Variants in SLC39A11 observed in about 807,000 individuals in gnomAD.
SLC39A11 encodes solute carrier family 39 member 11.
In SLC39A11, 33 loss-of-function variants were observed where a neutral mutation model predicts 36.1. The ratio of observed to expected loss-of-function variants is 0.91; its 90% confidence interval spans 0.69 to 1.22. The LOEUF is 1.22. Ranked by LOEUF, SLC39A11 falls within the 50% of genes most tolerant of loss-of-function variation. The pLI, the probability that SLC39A11 is intolerant of heterozygous loss-of-function variation, is 0.00. For missense variants in SLC39A11, 432 were observed against 430.3 expected, an observed-to-expected ratio of 1.00 and a Z score of -0.03; for synonymous variants, 166 against 170.3, an observed-to-expected ratio of 0.97 and a Z score of 0.20.
Position 72,779,191 on chromosome 17 carries a change from C to G in SLC39A11, c.602-42472G>C, listed in dbSNP as rs528899763. ...GGATGCGGTGGCTCACGCCTGTAATCCCAGTACTTTGGGAAGCGGAAGCCA... is the reference window on the plus strand; with the variant it reads ...GGATGCGGTGGCTCACGCCTGTAATGCCAGTACTTTGGGAAGCGGAAGCCA... On this transcript the variant is annotated intron_variant, in intron 6 of 9. Coordinates refer to ENST00000255559, the MANE Select transcript of SLC39A11 (RefSeq NM_139177.4). Among the ~76,000 whole-genome samples the G allele has an allele frequency of 3.3e-5, 5 of 152,156 alleles. No individual in the cohort carries two copies. The South Asian group carries it at 6.2e-4, about 19-fold the overall frequency.
At chr17:72,965,250 T>TA (rs1283163347) in intron 4 of SLC39A11, among the ~76,000 whole-genome samples, 4 of 149,056 alleles carry the variant, frequency 2.7e-5, no homozygotes, top group East Asian at 2.0e-4. Flanking sequence ...AAGTATAATT[T>TA]AAAAAAAAAG....
chr17:72,710,504 T>G (rs2073069899), intron 7 of SLC39A11, among the ~76,000 whole-genome samples: 1 of 152,158 alleles, frequency 6.6e-6, no homozygotes, highest in African/African-American at 2.4e-5. Context: ...TTTGCCCTCT[T>G]GCCATATGAG....
intron 4 of SLC39A11, among the ~76,000 whole-genome samples, chr17:72,994,546 G>A (rs1188652086): frequency 6.6e-6 from 1 of 152,102 alleles, no homozygotes; most frequent in Non-Finnish European, 1.5e-5. Context: ...AAAGATATTT[G>A]CTTTAGAATT....
chr17:73,077,669 A>G (rs1027662308), intron 3 of SLC39A11, among the ~76,000 whole-genome samples: 2 of 152,198 alleles, frequency 1.3e-5, no homozygotes, highest in African/African-American at 4.8e-5. Context: ...TTTCTGATAA[A>G]TACACACACA....
At chr17:73,085,711 T>C (rs1010973805) in intron 2 of SLC39A11, among the ~76,000 whole-genome samples, 7 of 150,496 alleles carry the variant, frequency 4.7e-5, no homozygotes, top group African/African-American at 1.5e-4. Context: ...TGGCAAACTA[T>C]TTGGCAGCAC....
chr17:72,653,735 G>A (rs766378157), intron 7 of SLC39A11, among the ~76,000 whole-genome samples: 21 of 152,232 alleles, frequency 1.4e-4, no homozygotes, highest in African/African-American at 2.4e-4. Context: ...CACCTCACCC[G>A]GCCTGCTGCA....
At chr17:72,896,933 A>C (rs1157739516) in intron 5 of SLC39A11, among the ~76,000 whole-genome samples, 2 of 151,078 alleles carry the variant, frequency 1.3e-5, no homozygotes, top group South Asian at 4.2e-4. Context: ...GGCACCTATA[A>C]TCCCAGCTAC....
intron 5 of SLC39A11, among the ~76,000 whole-genome samples, chr17:72,921,138 T>C (rs1184021200): frequency 2.6e-5 from 4 of 152,160 alleles, no homozygotes; most frequent in South Asian, 2.1e-4. Context: ...AAGAATTTGG[T>C]AACTGCATGA....
intron 7 of SLC39A11, among the ~76,000 whole-genome samples, chr17:72,734,949 G>A (rs2074361546): frequency 1.3e-5 from 2 of 152,148 alleles, no homozygotes; most frequent in African/African-American, 2.4e-5. Flanking sequence ...TGTGCCAGGG[G>A]CAGAAGAGCT....
intron 6 of SLC39A11, among the ~76,000 whole-genome samples, chr17:72,832,448 C>T (rs961526473): frequency 3.3e-5 from 5 of 152,176 alleles, no homozygotes; most frequent in Admixed American, 2.0e-4. Context: ...AATTTATCTC[C>T]GTGTCAAGGA....
rs1007391360 is a variant in SLC39A11 at position 73,051,564 on chromosome 17, G to A, written c.148-19850C>T. Among the ~76,000 whole-genome samples, 318 of 150,764 alleles carry A rather than the reference G, an allele frequency of 2.1e-3. 3 individuals are homozygous for A. Among genetic ancestry groups the A allele is most frequent in the Non-Finnish European group, 4.4e-4 (30 of 67,626 alleles). ...ATGGAATAGGAAGTGAGGGGGAGCC[G>A]TCAAGAGTTCAGGCCAGTCGCCGTG... On this transcript the variant is annotated intron_variant, in intron 3 of 9. Transcript: ENST00000255559.
intron 5 of SLC39A11, among the ~76,000 whole-genome samples, chr17:72,946,317 T>C (rs1216540914): frequency 6.6e-6 from 1 of 152,194 alleles, no homozygotes; most frequent in Non-Finnish European, 1.5e-5. Flanking sequence ...CCATCCCACG[T>C]AGGAAGTTGT....
intron 7 of SLC39A11, among the ~76,000 whole-genome samples, chr17:72,712,320 A>G (rs899261675): frequency 2.6e-5 from 4 of 152,226 alleles, no homozygotes. Flanking sequence ...CCGGGGGATA[A>G]CACAGTCAAC....
At chr17:73,081,383 T>A (rs770421151) in intron 3 of SLC39A11, among the ~76,000 whole-genome samples, 2 of 152,094 alleles carry the variant, frequency 1.3e-5, no homozygotes, top group Non-Finnish European at 2.9e-5. Context: ...GAATGTAAAC[T>A]AACACAACCA....
At chr17:72,950,245 C>T (rs2085767669) in intron 4 of SLC39A11, among the ~76,000 whole-genome samples, 1 of 152,196 alleles carries the variant, frequency 6.6e-6, no homozygotes, top group South Asian at 2.1e-4. Context: ...CAAACACACA[C>T]AAAAAAGCCT....
chr17:72,785,204 G>C (rs983669696), intron 6 of SLC39A11, among the ~76,000 whole-genome samples: 3 of 152,148 alleles, frequency 2.0e-5, no homozygotes, highest in African/African-American at 7.2e-5. Flanking sequence ...AGCAATGCAA[G>C]AACAGCCTGA....
In SLC39A11 at chr17:73,071,999, C is replaced by A. The variant is rs187751498; in HGVS notation, c.147+12809G>T. 1.3e-3 allele frequency among the ~76,000 whole-genome samples: 201 copies of A among 152,232 alleles called. 2 individuals are homozygous for A. The highest frequency in any genetic ancestry group is 8.1e-4 in the Non-Finnish European group (55 of 68,022). On this transcript the variant is annotated intron_variant, in intron 3 of 9. Coordinates refer to ENST00000255559, the MANE Select transcript of SLC39A11 (RefSeq NM_139177.4). ...AAGAACGAATGAATAAAAAATGAGC[C>A]GACTACCCTAAAGGAATATCTATTA... is the stretch of plus-strand genomic sequence containing the variant.
At chr17:72,880,677 C>T (rs1440506565) in intron 5 of SLC39A11, among the ~76,000 whole-genome samples, 1 of 148,662 alleles carries the variant, frequency 6.7e-6, no homozygotes, top group Non-Finnish European at 1.5e-5. Context: ...AGTTCAGATA[C>T]ATGGCTTTTT....
intron 7 of SLC39A11, among the ~76,000 whole-genome samples, chr17:72,732,404 C>A (rs188141035): frequency 5.9e-5 from 9 of 152,184 alleles, no homozygotes; most frequent in Non-Finnish European, 1.2e-4. Context: ...TCTTCCCTAA[C>A]GTCTCTTTCC....
Sources: allele counts gnomAD v4.1 joint callset (sites outside exome capture counted in the v4.1 genomes callset), GRCh38; gene constraint gnomAD v4.1.1; transcripts MANE v1.5; gene names NCBI Gene and HGNC (gene_info 2026-07-23, HGNC 2026-07-21).